The following IGF2BP3 variants were observed in gnomAD, a reference collection of about 807,000 sequenced individuals.
IGF2BP3 encodes the protein insulin-like growth factor 2 mRNA-binding protein 3.
A neutral mutation model predicts 73.8 loss-of-function variants in IGF2BP3; 9 were observed. That is an observed-to-expected ratio of 0.12 (90% CI 0.07 to 0.21). The LOEUF (loss-of-function observed/expected upper bound fraction) is 0.21. Among genes scored for constraint, IGF2BP3 ranks in the 10% least tolerant of loss-of-function variants. The probability of loss-of-function intolerance (pLI) is 1.00; values close to 1 mark genes in which losing one functional copy is unlikely to be tolerated. For synonymous variants in IGF2BP3, 258 were observed against 256.7 expected (o/e 1.01, Z -0.05); for missense variants, 542 against 714.0 (o/e 0.76, Z 2.75).
intron 9 of IGF2BP3, among the ~76,000 whole-genome samples, chr7:23,343,427 A>G (rs1212651186): frequency 6.6e-6 from 1 of 152,214 alleles, no homozygotes; most frequent in Non-Finnish European, 1.5e-5. Flanking sequence ...TCAAATTAAC[A>G]TTGTAAGAGA....
At chr7:23,334,198 C>T (rs1784515224) in intron 10 of IGF2BP3, among the ~76,000 whole-genome samples, 2 of 151,950 alleles carry the variant, frequency 1.3e-5, no homozygotes, top group South Asian at 4.1e-4. Flanking sequence ...TAGCTGGGCA[C>T]GTGACTGTAA....
At chr7:23,388,412 A>G (rs1652834439) in intron 3 of IGF2BP3, among the ~76,000 whole-genome samples, 1 of 152,182 alleles carries the variant, frequency 6.6e-6, no homozygotes, top group African/African-American at 2.4e-5. Context: ...AAAAAACCAA[A>G]ACTTTTTCAT....
intron 3 of IGF2BP3, among the ~76,000 whole-genome samples, chr7:23,371,801 G>C (rs1397544393): frequency 2.0e-5 from 3 of 152,148 alleles, no homozygotes; most frequent in African/African-American, 7.2e-5. Flanking sequence ...ACATGGGGAG[G>C]AGATGATGCT....
At chr7:23,453,379 A>T (rs1788245353) in intron 2 of IGF2BP3, among the ~76,000 whole-genome samples, 1 of 152,180 alleles carries the variant, frequency 6.6e-6, no homozygotes, top group African/African-American at 2.4e-5. Context: ...TTTTGCTCGA[A>T]AAGTAGACAA....
intron 3 of IGF2BP3, among the ~76,000 whole-genome samples, chr7:23,381,863 G>A (rs1487978085): frequency 6.6e-6 from 1 of 152,052 alleles, no homozygotes; most frequent in Non-Finnish European, 1.5e-5. Flanking sequence ...TTGAGCCAAT[G>A]CACCCGGCCT....
At chr7:23,394,987 C>T (rs78840640) in intron 3 of IGF2BP3, among the ~76,000 whole-genome samples, 1 of 152,122 alleles carries the variant, frequency 6.6e-6, no homozygotes, top group Non-Finnish European at 1.5e-5. Context: ...ATCAGATTTG[C>T]TGAGAAAGAA....
At chr7:23,332,646 A>G (rs1022139435) in intron 10 of IGF2BP3, among the ~76,000 whole-genome samples, 2 of 152,264 alleles carry the variant, frequency 1.3e-5, no homozygotes, top group African/African-American at 4.8e-5. Flanking sequence ...TTAAGTCAGA[A>G]GAACAGCATC....
chr7:23,459,758 G>T (rs1365233930), intron 2 of IGF2BP3, among the ~76,000 whole-genome samples: 1 of 152,106 alleles, frequency 6.6e-6, no homozygotes, highest in Non-Finnish European at 1.5e-5. Flanking sequence ...TTGAACCTGA[G>T]AGGAGGAGGT....
chr7:23,427,549 G>A (rs1033584792), intron 2 of IGF2BP3, among the ~76,000 whole-genome samples: 1 of 152,024 alleles, frequency 6.6e-6, no homozygotes, highest in Non-Finnish European at 1.5e-5. Flanking sequence ...GCAATATAGC[G>A]AGACCTCGTC....
intron 3 of IGF2BP3, among the ~76,000 whole-genome samples, chr7:23,416,606 T>C (rs982405423): frequency 2.0e-5 from 3 of 152,244 alleles, no homozygotes; most frequent in African/African-American, 7.2e-5. Context: ...AGAAGGTACA[T>C]AAGGTCCGGT....
intron 7 of IGF2BP3, among the ~76,000 whole-genome samples, chr7:23,346,330 C>T (rs750566568): frequency 1.3e-5 from 2 of 152,108 alleles, no homozygotes; most frequent in Non-Finnish European, 2.9e-5. Flanking sequence ...TACTCAAAAC[C>T]ATATTCCTAA....
At chr7:23,373,702 T>G (rs1436713364) in intron 3 of IGF2BP3, among the ~76,000 whole-genome samples, 1 of 152,152 alleles carries the variant, frequency 6.6e-6, no homozygotes, top group African/African-American at 2.4e-5. Context: ...TTCTGGGTAT[T>G]GATATGGTTT....
At chr7:23,437,913 A>C (rs1354820727) in intron 2 of IGF2BP3, among the ~76,000 whole-genome samples, 1 of 152,212 alleles carries the variant, frequency 6.6e-6, no homozygotes, top group Non-Finnish European at 1.5e-5. Context: ...ATTTTAACCA[A>C]AGTCAAAACG....
At chr7:23,441,907 C>G (rs1787945263) in intron 2 of IGF2BP3, among the ~76,000 whole-genome samples, 2 of 152,018 alleles carry the variant, frequency 1.3e-5, no homozygotes. Context: ...GGCGGATCAC[C>G]TGAGGTCGTG....
At chr7:23,357,988 CAG>C (rs1295621919) in intron 5 of IGF2BP3, among the ~76,000 whole-genome samples, 1 of 152,208 alleles carries the variant, frequency 6.6e-6, no homozygotes, top group Non-Finnish European at 1.5e-5. Context: ...CAAACAATAA[CAG>C]GGGAGCAGAA....
In IGF2BP3 at chr7:23,435,664, G is replaced by A. The variant is rs111335526; in HGVS notation, c.237-16840C>T. On this transcript the variant is annotated intron_variant, in intron 2 of 14. Transcript: ENST00000258729. ...GTAAAGATGAGGTTTCACCATGTTG[G>A]CCAGGATGGTCTCGATCTCCTGACC... 8.2e-3 allele frequency among the ~76,000 whole-genome samples: 1,244 copies of A among 152,158 alleles called. 13 individuals carry two copies. Among genetic ancestry groups the A allele is most frequent in the African/African-American group, 0.028 (1,160 of 41,504 alleles).
At chr7:23,356,987 C>G (rs1049052213) in intron 5 of IGF2BP3, among the ~76,000 whole-genome samples, 35 of 152,176 alleles carry the variant, frequency 2.3e-4, no homozygotes, top group African/African-American at 8.0e-4. Context: ...CAAAACTCTG[C>G]AGAATGATCT....
At chr7:23,369,023 T>C (rs1187384851) in intron 3 of IGF2BP3, among the ~76,000 whole-genome samples, 1 of 152,234 alleles carries the variant, frequency 6.6e-6, no homozygotes. Flanking sequence ...TACCAGGTAA[T>C]GGCCTAGTTT....
rs1426909588 is a variant in IGF2BP3, at chr7:23,469,354, AGGGGAGGTGGAACGG to A, written c.175+567_175+581del. 6.6e-6 allele frequency: 1 copy of A among 152,060 alleles called. No individual in the cohort carries two copies. Among genetic ancestry groups the A allele is most frequent in the Non-Finnish European group, 1.5e-5 (1 of 67,998 alleles). 9.4% of individuals were successfully genotyped at this position (152,060 alleles called of 1,614,324 possible). A position where few individuals can be genotyped will look rare whatever the true frequency, so the allele number is the denominator to read the frequency against. ...ACCTGCCCCTATCGCTCGTCGGACC[AGGGGAGGTGGAACGG>A]GGAAACCGGGCACACACTCTCTCCT... On this transcript the variant is annotated intron_variant, in intron 1 of 14. Coordinates refer to ENST00000258729, the MANE Select transcript of IGF2BP3 (RefSeq NM_006547.3). The surrounding 1 kb of genome is among the most constrained non-coding windows in gnomAD (Gnocchi z 6.1).
Sources: gnomAD v4.1 joint callset for allele counts (sites outside exome capture counted in the v4.1 genomes callset) on GRCh38, gnomAD v4.1.1 for gene constraint, Gnocchi (gnomAD v3.1) non-coding constraint, MANE v1.5 for transcripts, NCBI Gene and HGNC (gene_info 2026-07-23, HGNC 2026-07-21) for gene names.